RHEX: variants seen among roughly 807,000 people sequenced by gnomAD.
RHEX encodes regulator of hemoglobinization and erythroid cell expansion.
Under a neutral mutation model 20.1 loss-of-function variants are expected in RHEX, and 18 were observed. That is an observed-to-expected ratio of 0.90 (90% CI 0.62 to 1.33). The LOEUF (loss-of-function observed/expected upper bound fraction) is 1.33. Among genes scored for constraint, RHEX ranks in the 40% most tolerant of loss-of-function variants. RHEX has a pLI of 0.00. For missense variants in RHEX, 192 were observed against 214.3 expected (o/e 0.90, Z 0.65); for synonymous variants, 87 against 77.1 (o/e 1.13, Z -0.67).
intron 1 of RHEX, among the ~76,000 whole-genome samples, chr1:206,074,390 T>A (rs1662593546): frequency 6.6e-6 from 1 of 152,206 alleles, no homozygotes; most frequent in South Asian, 2.1e-4. Flanking sequence ...AATGAATGGA[T>A]GAATAAATGA....
At chr1:206,064,276 C>T (rs1553283816) in intron 1 of RHEX, among the ~76,000 whole-genome samples, 1 of 146,674 alleles carries the variant, frequency 6.8e-6, no homozygotes, top group Non-Finnish European at 1.5e-5. Flanking sequence ...GGGTCAGCCC[C>T]CCGCCCGGCC....
chr1:206,063,536 C>T (rs890485137), intron 1 of RHEX, among the ~76,000 whole-genome samples: 15 of 152,348 alleles, frequency 9.8e-5, no homozygotes, highest in African/African-American at 2.2e-4. Context: ...CAATTGCAGG[C>T]GCGCGCCGCC....
intron 1 of RHEX, among the ~76,000 whole-genome samples, chr1:206,066,454 T>TA (rs1340862890): frequency 2.0e-5 from 3 of 152,086 alleles, no homozygotes; most frequent in Non-Finnish European, 4.4e-5. Context: ...CTGTCTCTAC[T>TA]AAAAATACAG....
chr1:206,072,353 A>G (rs1380247375), intron 1 of RHEX, among the ~76,000 whole-genome samples: 2 of 152,196 alleles, frequency 1.3e-5, no homozygotes, highest in African/African-American at 2.4e-5. Flanking sequence ...AGGTGGGTGG[A>G]TCACAACGTC....
chr1:206,053,970 C>A (rs1375046873), intron 1 of RHEX, among the ~76,000 whole-genome samples: 1 of 152,174 alleles, frequency 6.6e-6, no homozygotes, highest in South Asian at 2.1e-4. Flanking sequence ...TAATTGAAAT[C>A]CCAAACTTAC....
At chr1:206,074,164 C>T (rs1553284959) in intron 1 of RHEX, among the ~76,000 whole-genome samples, 1 of 152,198 alleles carries the variant, frequency 6.6e-6, no homozygotes, top group Non-Finnish European at 1.5e-5. Context: ...CTTCTCTGAC[C>T]AAAGACTGTG....
intron 1 of RHEX, among the ~76,000 whole-genome samples, chr1:206,058,736 A>G (rs540359185): frequency 2.6e-5 from 4 of 152,178 alleles, no homozygotes; most frequent in East Asian, 1.9e-4. Context: ...GCTCAAATCA[A>G]TCATGACCCT....
chr1:206,065,217 A>G (rs1317841344), intron 1 of RHEX, among the ~76,000 whole-genome samples: 1 of 151,356 alleles, frequency 6.6e-6, no homozygotes, highest in Non-Finnish European at 1.5e-5. Context: ...TCCCTCCACT[A>G]TTGTCCTATG....
chr1:206,063,445 A>T (rs999953127), intron 1 of RHEX, among the ~76,000 whole-genome samples: 1 of 152,150 alleles, frequency 6.6e-6, no homozygotes, highest in Non-Finnish European at 1.5e-5. Flanking sequence ...ACGCCAAGCC[A>T]AAGCTGGACT....
At chr1:206,055,744 C>T (rs1208179983) in intron 1 of RHEX, among the ~76,000 whole-genome samples, 2 of 152,272 alleles carry the variant, frequency 1.3e-5, no homozygotes, top group South Asian at 4.1e-4. Flanking sequence ...GGCCCCAGCC[C>T]TGGGGCTACC....
intron 1 of RHEX, among the ~76,000 whole-genome samples, chr1:206,084,661 A>G (rs1156701386): frequency 6.6e-6 from 1 of 152,180 alleles, no homozygotes; most frequent in Non-Finnish European, 1.5e-5. Context: ...GTGTTGACCT[A>G]TTTTGTGAGC....
intron 1 of RHEX, among the ~76,000 whole-genome samples, chr1:206,064,430 A>G (rs1571854715): frequency 1.7e-4 from 15 of 88,418 alleles, no homozygotes; most frequent in South Asian, 4.6e-4. Context: ...CCCGTCCGGG[A>G]GGGAGGTGGG....
chr1:206,099,196 T>C (rs1476592905), intron 3 of RHEX, among the ~76,000 whole-genome samples: 2 of 152,114 alleles, frequency 1.3e-5, no homozygotes, highest in Admixed American at 6.5e-5. Flanking sequence ...CGTGGAACCA[T>C]GGCAGGGTTT....
intron 1 of RHEX, among the ~76,000 whole-genome samples, chr1:206,095,469 C>A (rs1663044893): frequency 6.6e-6 from 1 of 152,216 alleles, no homozygotes; most frequent in African/African-American, 2.4e-5. Context: ...TATACATGCA[C>A]TTATATCCAT....
chr1:206,073,319 C>T (rs1296427870), intron 1 of RHEX, among the ~76,000 whole-genome samples: 4 of 152,174 alleles, frequency 2.6e-5, no homozygotes, highest in African/African-American at 4.8e-5. Context: ...CAGGTGCATA[C>T]ATCTGTTTCC....
intron 1 of RHEX, among the ~76,000 whole-genome samples, chr1:206,094,574 T>G (rs766251881): frequency 1.3e-5 from 2 of 152,230 alleles, no homozygotes; most frequent in Admixed American, 6.5e-5. Flanking sequence ...ATTATTCTTC[T>G]CACTTTATAG....
rs782183538 is a variant in RHEX at position 206,101,935 on chromosome 1, G to C, written c.502G>C (p.Asp168His). 6.2e-7 allele frequency: 1 copy of C among 1,613,418 alleles called. No homozygotes were observed. Among genetic ancestry groups the C allele is most frequent in the South Asian group, 1.1e-5 (1 of 91,050 alleles). ...NPALSEPAEYDQVAM is the reference protein window; with the variant it reads ...NPALSEPAEYHQVAM ...TGCTCTGTCTGAGCCAGCGGAATAT[G>C]ATCAAGTGGCCATGTGAATTCCAAA... The change falls in exon 6 of 6, where the codon GAT becomes CAT. Residue 168 changes from aspartate to histidine, a missense_variant. Transcript: ENST00000331555.
At chr1:206,088,728 A>G (rs1157686216) in intron 1 of RHEX, among the ~76,000 whole-genome samples, 1 of 152,232 alleles carries the variant, frequency 6.6e-6, no homozygotes, top group Non-Finnish European at 1.5e-5. Context: ...GGGAGCTGAC[A>G]CATGAATTGG....
chr1:206,055,337 C>G (rs1233420692), intron 1 of RHEX, among the ~76,000 whole-genome samples: 11 of 152,232 alleles, frequency 7.2e-5, no homozygotes, highest in African/African-American at 2.4e-4. Context: ...GTCAGTCAGC[C>G]CTTGTTCATC....
Sources: allele counts gnomAD v4.1 joint callset (sites outside exome capture counted in the v4.1 genomes callset), GRCh38; gene constraint gnomAD v4.1.1; transcripts MANE v1.5; gene names NCBI Gene and HGNC (gene_info 2026-07-23, HGNC 2026-07-21).